RELCH: variants seen among roughly 807,000 people sequenced by gnomAD.
The protein encoded by RELCH is RAB11 binding and LisH domain, coiled-coil and HEAT repeat containing, also known as RAB11-binding protein RELCH.
Under a neutral mutation model 150.3 loss-of-function variants are expected in RELCH, and 41 were observed. That is an observed-to-expected ratio of 0.27 (90% CI 0.21 to 0.35). The LOEUF is 0.35. RELCH is among the 10% of genes least tolerant of loss of function. The pLI is 1.00. For synonymous variants in RELCH, 478 were observed against 531.8 expected, an observed-to-expected ratio of 0.90 and a Z score of 1.39; for missense variants, 1,092 against 1,467.8, an observed-to-expected ratio of 0.74 and a Z score of 4.18.
At chr18:62,295,660 C>A (rs1416690563) in intron 27 of RELCH, among the ~76,000 whole-genome samples, 1 of 152,094 alleles carries the variant, frequency 6.6e-6, no homozygotes, top group Non-Finnish European at 1.5e-5. Flanking sequence ...CTCACTGCAA[C>A]CTCTGCCTCC....
At chr18:62,209,586 TC>T (rs2040028407) in intron 1 of RELCH, among the ~76,000 whole-genome samples, 1 of 151,920 alleles carries the variant, frequency 6.6e-6, no homozygotes. Context: ...TCAAGATTGT[TC>T]AGCTATTCTG....
In RELCH at chr18:62,216,550, G is replaced by T. The variant is rs1013232224; in HGVS notation, c.617-4487G>T. ...GCTGGTAAGATCAGTTAATGTTTCA[G>T]ATTTATCACATGTCACATCAAGTAT... On this transcript the variant is annotated intron_variant, in intron 2 of 28. Transcript: ENST00000644646. 3.3e-5 allele frequency among the ~76,000 whole-genome samples: 5 copies of T among 152,056 alleles called. No homozygotes were observed. The East Asian group carries it at 5.8e-4, about 18-fold the overall frequency.
rs1032141545 is a variant in RELCH at position 62,271,636 on chromosome 18, G to C, written c.2761-2344G>C. Among the ~76,000 whole-genome samples the C allele has an allele frequency of 5.3e-5, 8 of 152,090 alleles. 1 individual carries two copies. In the South Asian group the frequency reaches 1.0e-3, roughly 20 times the overall value. On this transcript the variant is annotated intron_variant, in intron 20 of 28. Coordinates refer to ENST00000644646, the MANE Select transcript of RELCH (RefSeq NM_001346231.2). ...TTTGGCTTTTGTTGTCACTGCTTTT[G>C]GTGTTTTAGTCATGAAGTCCTTGCC...
rs2041343014 is a variant in RELCH, at chr18:62,228,339, A to G, written c.1189A>G (p.Ile397Val). ...CTTCCTCAAAAATGAACACTTTGCC[A>G]TCCCAGCAGTTTGTGACTCTGTTCA... The part of the protein sequence containing the change: ...MDFLKNEHFA[I>V]PAVCDSVQPP... The change falls in exon 8 of 29, where the codon ATC becomes GTC. Residue 397 changes from isoleucine (I) to valine (V), a missense_variant. By Grantham distance (29) the Ile-to-Val change is conservative. Around this residue, in one of 4 missense-constraint regions of RELCH, gnomAD observed 707 missense variants for 1,025.4 expected, o/e 0.69. Transcript: ENST00000644646. The G allele has an allele frequency of 4.3e-6, 7 of 1,612,168 alleles. No individual in the cohort carries two copies. Among genetic ancestry groups the G allele is most frequent in the Non-Finnish European group, 5.9e-6 (7 of 1,179,196 alleles).
chr18:62,248,053 A>G (rs1350936421), intron 11 of RELCH, among the ~76,000 whole-genome samples: 1 of 152,154 alleles, frequency 6.6e-6, no homozygotes, highest in East Asian at 1.9e-4. Context: ...GAAAGCTGCC[A>G]TTACCTTTGT....
chr18:62,299,947 A>G (rs185305902), intron 28 of RELCH: 1 of 152,110 alleles, frequency 6.6e-6, no homozygotes, highest in Non-Finnish European at 1.5e-5. Context: ...CTTTTGTTCA[A>G]ATTTCTCCTT....
At position 62,282,419 on chromosome 18, in the gene RELCH, C is replaced by G. The variant is rs145307507; in HGVS notation, c.3228C>G (p.Asn1076Lys). ...IIKTFGRVGP[N>K]AEPRFRDEFV... ...AAACATTTGGTAGAGTTGGCCCTAA[C>G]GCAGAACCCAGGTTCCGAGATGAGT... Residue 1076 changes from asparagine (N) to lysine (K), a missense_variant, in exon 25 of 29, where the codon AAC (asparagine) becomes AAG (lysine). Around this residue, in one of 4 missense-constraint regions of RELCH, gnomAD observed 707 missense variants for 1,025.4 expected, o/e 0.69. Transcript: ENST00000644646. 53 of 1,612,546 alleles carry G rather than the reference C, an allele frequency of 3.3e-5. 1 individual carries two copies. In the South Asian group the frequency reaches 5.7e-4, roughly 17 times the overall value.
chr18:62,220,373 T>TA (rs200093383), intron 2 of RELCH, among the ~76,000 whole-genome samples: 12,982 of 151,278 alleles, frequency 0.086, 685 homozygotes, highest in Middle Eastern at 0.17. Flanking sequence ...GGATTTTTTT[T>TA]TTTTTTTTTT....
At chr18:62,254,985 T>C (rs1453248336) in intron 12 of RELCH, among the ~76,000 whole-genome samples, 4 of 152,126 alleles carry the variant, frequency 2.6e-5, no homozygotes, top group African/African-American at 9.7e-5. Flanking sequence ...TTAACTTCCT[T>C]CCTCATCCCT....
intron 27 of RELCH, among the ~76,000 whole-genome samples, chr18:62,295,205 T>G (rs763599830): frequency 2.6e-5 from 4 of 152,194 alleles, no homozygotes; most frequent in African/African-American, 4.8e-5. Context: ...ATTTGGGGAT[T>G]CTTCTCTATG....
intron 16 of RELCH, among the ~76,000 whole-genome samples, chr18:62,261,963 C>G (rs1333505988): frequency 6.6e-6 from 1 of 151,922 alleles, no homozygotes; most frequent in Non-Finnish European, 1.5e-5. Flanking sequence ...GTTAATAGAT[C>G]TGAGTCAACA....
At position 62,305,651 on chromosome 18, in the gene RELCH, T is replaced by C; in HGVS notation, c.*117T>C. On this transcript the variant is annotated 3_prime_UTR_variant, in exon 29 of 29. Coordinates refer to ENST00000644646, the MANE Select transcript of RELCH (RefSeq NM_001346231.2). The surrounding 1 kb of genome is among the most constrained non-coding windows in gnomAD (Gnocchi z 4.0). ...GTTTTATGTTCTTGCATTATAATTTTATCCTAACCTCCAAAGATATTTGCA... is the reference window on the plus strand; with the variant it reads ...GTTTTATGTTCTTGCATTATAATTTCATCCTAACCTCCAAAGATATTTGCA... 9.4e-7 allele frequency: 1 copy of C among 1,060,454 alleles called. No individual in the cohort carries two copies. The allele number at this position is 1,060,454 out of a possible 1,614,324, so 65.7% of individuals were successfully genotyped here.
At position 62,306,401 on chromosome 18, in the gene RELCH, T is replaced by G. The variant is rs1600320257; in HGVS notation, c.*867T>G. On this transcript the variant is annotated 3_prime_UTR_variant, in exon 29 of 29. Coordinates refer to ENST00000644646, the MANE Select transcript of RELCH (RefSeq NM_001346231.2). ...AGAAAATATAGTTTGAATCTGAAAT[T>G]TAACACTTATTTATGTAAAACACTT... 6.6e-6 allele frequency: 1 copy of G among 152,334 alleles called. No individual in the cohort carries two copies. Among genetic ancestry groups the G allele is most frequent in the East Asian group, 1.9e-4 (1 of 5,194 alleles). 9.4% of individuals were successfully genotyped at this position (152,334 alleles called of 1,614,324 possible).
At chr18:62,214,955 G>A (rs367851161) in intron 2 of RELCH, among the ~76,000 whole-genome samples, 5 of 152,192 alleles carry the variant, frequency 3.3e-5, no homozygotes, top group Non-Finnish European at 4.4e-5. Context: ...TGGCTTCAAG[G>A]TCTTTCTCCC....
chr18:62,198,772 C>T (rs1680724271), intron 1 of RELCH, among the ~76,000 whole-genome samples: 1 of 152,052 alleles, frequency 6.6e-6, no homozygotes. Flanking sequence ...TCCGAAGCAA[C>T]TTTTTCAAAC....
intron 9 of RELCH, among the ~76,000 whole-genome samples, chr18:62,231,960 G>T (rs960487241): frequency 2.6e-5 from 4 of 152,002 alleles, no homozygotes; most frequent in African/African-American, 9.7e-5. Context: ...TATCACTGTA[G>T]CTAATGGTAG....
At position 62,268,860 on chromosome 18, in the gene RELCH, T is replaced by A; in HGVS notation, c.2681-9T>A. 7.2e-7 allele frequency: 1 copy of A among 1,391,458 alleles called. No individual in the cohort carries two copies. The allele number at this position is 1,391,458 out of a possible 1,614,324, so 86.2% of individuals were successfully genotyped here. On this transcript the variant is annotated splice_polypyrimidine_tract_variant and intron_variant, in intron 19 of 28. Coordinates refer to ENST00000644646, the MANE Select transcript of RELCH (RefSeq NM_001346231.2). Reference sequence around the variant, plus strand: ...CTTATGTTTTTTTAAATTATTTTAATAATTTTAGATTCCTCAGCAGGAAAT... The same window carrying A: ...CTTATGTTTTTTTAAATTATTTTAAAAATTTTAGATTCCTCAGCAGGAAAT...
chr18:62,234,588 TTAAA>T (rs1258504312), intron 10 of RELCH, among the ~76,000 whole-genome samples: 6 of 152,132 alleles, frequency 3.9e-5, no homozygotes, highest in African/African-American at 1.2e-4. Context: ...TCTTAGCTGA[TTAAA>T]TAAAGCATTG....
chr18:62,299,390 G>A (rs908555108), intron 28 of RELCH, among the ~76,000 whole-genome samples: 10 of 152,240 alleles, frequency 6.6e-5, no homozygotes, highest in Admixed American at 3.3e-4. Flanking sequence ...TGAGCTGTAC[G>A]TACTCTTACT....
Sources: allele counts gnomAD v4.1 joint callset (sites outside exome capture counted in the v4.1 genomes callset), GRCh38; gene constraint gnomAD v4.1.1; regional missense constraint gnomAD v4.1.1; non-coding constraint Gnocchi (gnomAD v3.1); transcripts MANE v1.5; gene names NCBI Gene and HGNC (gene_info 2026-07-23, HGNC 2026-07-21).